RALGPS1: variants seen among roughly 807,000 people sequenced by gnomAD.
The protein encoded by RALGPS1 is Ral GEF with PH domain and SH3 binding motif 1.
RALGPS1 carries 19 observed loss-of-function variants against 78.8 expected under a neutral mutation model. The ratio of observed to expected loss-of-function variants is 0.24; its 90% confidence interval spans 0.17 to 0.35. The LOEUF is 0.35. Ranked by LOEUF, RALGPS1 falls within the 10% of genes least tolerant of loss-of-function variation. The probability of loss-of-function intolerance (pLI) is 1.00; values close to 1 mark genes in which losing one functional copy is unlikely to be tolerated. For synonymous variants in RALGPS1, 228 were observed against 256.3 expected (o/e 0.89, Z 1.06); for missense variants, 454 against 688.3 (o/e 0.66, Z 3.81).
chr9:127,067,282 T>C (rs1054149847), intron 7 of RALGPS1, among the ~76,000 whole-genome samples: 2 of 152,186 alleles, frequency 1.3e-5, no homozygotes, highest in Non-Finnish European at 2.9e-5. Flanking sequence ...CTGAATTCCC[T>C]AGTGGGAAAA....
intron 8 of RALGPS1, among the ~76,000 whole-genome samples, chr9:127,084,965 G>C (rs992094730): frequency 6.6e-6 from 1 of 152,210 alleles, no homozygotes; most frequent in Non-Finnish European, 1.5e-5. Flanking sequence ...AAACAGATGA[G>C]GGGGTCTTGG....
intron 1 of RALGPS1, among the ~76,000 whole-genome samples, chr9:126,961,281 C>T (rs908092075): frequency 6.6e-6 from 1 of 152,116 alleles, no homozygotes; most frequent in Non-Finnish European, 1.5e-5. Context: ...ACAAAGCCAT[C>T]AAATAATGAG....
rs751614500 is a variant in RALGPS1 at position 127,195,099 on chromosome 9, G to A, written c.919G>A (p.Ala307Thr). Residue 307 changes from alanine to threonine, a missense_variant, in exon 12 of 19, where the codon GCT becomes ACT. Physicochemically the swap from Ala to Thr is moderately conservative, Grantham distance 58 (BLOSUM62 0). Coordinates refer to ENST00000259351, the MANE Select transcript of RALGPS1 (RefSeq NM_014636.3). ...CTCTGCTCTGTTTGCAGGTCCCTCT[G>A]CTGGCTCCGGTTCTGCGAGGTTCAG... ...SSKEDLAGPS[A>T]GSGSARFSRR... The A allele has an allele frequency of 6.8e-6, 11 of 1,613,356 alleles. 1 individual carries two copies. The South Asian group carries it at 1.2e-4, about 18-fold the overall frequency.
chr9:127,151,046 T>C (rs1426845913), intron 8 of RALGPS1, among the ~76,000 whole-genome samples: 1 of 151,948 alleles, frequency 6.6e-6, no homozygotes, highest in African/African-American at 2.4e-5. Context: ...TAGCTGGGTA[T>C]GGTGGCACAC....
intron 11 of RALGPS1, among the ~76,000 whole-genome samples, chr9:127,182,728 C>CTTTTCTTTA (rs2060357446): frequency 6.6e-6 from 1 of 152,052 alleles, no homozygotes; most frequent in South Asian, 2.1e-4. Flanking sequence ...CATGCCCAGC[C>CTTTTCTTTA]TAAACATCTT....
Position 127,223,073 on chromosome 9 carries a change from G to C in RALGPS1, c.*4304G>C, listed in dbSNP as rs1433483719. ...TTGTATCAAGTTGCTGTATTTTTCA[G>C]CTTGTTACATTGATAATAATTATTT... On this transcript the variant is annotated 3_prime_UTR_variant, in exon 19 of 19. Transcript: ENST00000259351. The C allele has an allele frequency of 6.6e-6, 1 of 152,568 alleles. No homozygotes were observed. The highest frequency in any genetic ancestry group is 6.5e-5 in the Admixed American group (1 of 15,278). The allele number at this position is 152,568 out of a possible 1,614,324, so 9.5% of individuals were successfully genotyped here. A position where few individuals can be genotyped will look rare whatever the true frequency, so the allele number is the denominator to read the frequency against.
chr9:127,119,376 G>A (rs1229687196), intron 8 of RALGPS1, among the ~76,000 whole-genome samples: 2 of 152,212 alleles, frequency 1.3e-5, no homozygotes, highest in East Asian at 1.9e-4. Flanking sequence ...GGCTACTGAC[G>A]ACACTGGGCA....
chr9:126,967,043 A>G lies in RALGPS1; in HGVS notation c.165+1092A>G, dbSNP rs141129553. ...CCACGTCTCCTCTACCCTCTTTGGT[A>G]AAAGAGGTTTCTTGTCCTCCTAGGT... On this transcript the variant is annotated intron_variant, in intron 3 of 18. Coordinates refer to ENST00000259351, the MANE Select transcript of RALGPS1 (RefSeq NM_014636.3). Among the ~76,000 whole-genome samples the G allele has an allele frequency of 4.2e-3, 632 of 152,264 alleles. 5 individuals are homozygous for G. The highest frequency in any genetic ancestry group is 0.014 in the African/African-American group (599 of 41,548).
At chr9:127,021,029 T>A (rs1236827920) in intron 4 of RALGPS1, among the ~76,000 whole-genome samples, 1 of 152,222 alleles carries the variant, frequency 6.6e-6, no homozygotes. Context: ...TTGTTTTTAT[T>A]GTCATTATTA....
chr9:127,203,740 G>A (rs989096511), intron 14 of RALGPS1, among the ~76,000 whole-genome samples: 5 of 152,222 alleles, frequency 3.3e-5, no homozygotes, highest in African/African-American at 1.2e-4. Context: ...ATCCAACAGG[G>A]CGACCTGCAT....
At chr9:127,033,053 T>A (rs1016842080) in intron 4 of RALGPS1, among the ~76,000 whole-genome samples, 1 of 152,204 alleles carries the variant, frequency 6.6e-6, no homozygotes, top group Non-Finnish European at 1.5e-5. Flanking sequence ...CAGCACCTGC[T>A]CTGTGGGGAA....
intron 5 of RALGPS1, among the ~76,000 whole-genome samples, chr9:127,049,135 C>A (rs1346245792): frequency 6.6e-6 from 1 of 152,216 alleles, no homozygotes; most frequent in Non-Finnish European, 1.5e-5. Context: ...CCGTGCTTTG[C>A]CTGGCTCTCC....
At chr9:126,960,159 C>T (rs13301074) in intron 1 of RALGPS1, among the ~76,000 whole-genome samples, 1 of 137,874 alleles carries the variant, frequency 7.3e-6, no homozygotes, top group Non-Finnish European at 1.6e-5. Flanking sequence ...CCTTTCTTCC[C>T]TTCCTTCCCT....
chr9:127,081,166 TTACCAACACTAGATA>T (rs1197879605), intron 8 of RALGPS1, among the ~76,000 whole-genome samples: 4 of 152,234 alleles, frequency 2.6e-5, no homozygotes, highest in African/African-American at 2.4e-5. Flanking sequence ...TTTTCCACTC[TTACCAACACTAGATA>T]TTATCCACCG....
intron 8 of RALGPS1, among the ~76,000 whole-genome samples, chr9:127,096,503 C>A (rs968929337): frequency 6.6e-6 from 1 of 152,168 alleles, no homozygotes; most frequent in Non-Finnish European, 1.5e-5. Flanking sequence ...TTGAAGGAGG[C>A]GCCACGTAGG....
chr9:126,972,164 AC>A (rs1281584922), intron 3 of RALGPS1, among the ~76,000 whole-genome samples: 1 of 152,206 alleles, frequency 6.6e-6, no homozygotes, highest in Non-Finnish European at 1.5e-5. Flanking sequence ...TTTGTGGCAA[AC>A]GGACTCAAGA....
At chr9:127,052,261 G>A (rs1041377351) in intron 6 of RALGPS1, among the ~76,000 whole-genome samples, 2 of 152,142 alleles carry the variant, frequency 1.3e-5, no homozygotes, top group Non-Finnish European at 2.9e-5. Flanking sequence ...CAGAGCAGTC[G>A]CATTTTTCTG....
intron 5 of RALGPS1, among the ~76,000 whole-genome samples, chr9:127,038,912 CAG>C (rs2134858349): frequency 6.6e-6 from 1 of 152,228 alleles, no homozygotes; most frequent in East Asian, 1.9e-4. Context: ...AGGGAAATGA[CAG>C]AGAAGAGTAA....
chr9:127,139,264 C>A (rs7874020), intron 8 of RALGPS1, among the ~76,000 whole-genome samples: 1 of 152,208 alleles, frequency 6.6e-6, no homozygotes, highest in East Asian at 1.9e-4. Context: ...AGCTGCTGAC[C>A]TGCCATTCCT....
Sources: gnomAD v4.1 joint callset for allele counts (sites outside exome capture counted in the v4.1 genomes callset) on GRCh38, gnomAD v4.1.1 for gene constraint, MANE v1.5 for transcripts, NCBI Gene and HGNC (gene_info 2026-07-23, HGNC 2026-07-21) for gene names.